Variants in EDA2R observed in about 807,000 individuals in gnomAD.
EDA2R encodes the protein ectodysplasin A2 receptor.
A neutral mutation model predicts 20.1 loss-of-function variants in EDA2R; 26 were observed. That is an observed-to-expected ratio of 1.30 (90% CI 0.95 to 1.80). The LOEUF (loss-of-function observed/expected upper bound fraction) is 1.80, where lower values mean the gene tolerates loss of function less well. Among genes scored for constraint, EDA2R ranks in the 40% most tolerant of loss-of-function variants. The probability of loss-of-function intolerance (pLI) is 0.00; values close to 1 mark genes in which losing one functional copy is unlikely to be tolerated. For synonymous variants in EDA2R, 114 were observed against 88.7 expected (o/e 1.29, Z -1.60); for missense variants, 277 against 228.7 (o/e 1.21, Z -1.36).
intron 1 of EDA2R, among the ~76,000 whole-genome samples, chrX:66,636,784 A>G (rs762659291): frequency 4.5e-5 from 5 of 111,327 alleles, no homozygotes; most frequent in Non-Finnish European, 7.5e-5. Flanking sequence ...CCATGATGTG[A>G]GTACTGTTAT....
At chrX:66,602,894 C>G in intron 4 of EDA2R, 97 bp from the exon 5 acceptor site, 1 of 806,498 alleles carries the variant, frequency 1.2e-6, no homozygotes. Flanking sequence ...ACCCTTCTCC[C>G]TAGGGCCTTC....
intron 6 of EDA2R, among the ~76,000 whole-genome samples, chrX:66,598,975 CT>C (rs1444774809): frequency 6.3e-5 from 7 of 111,804 alleles, no homozygotes; most frequent in African/African-American, 2.3e-4. Context: ...CTAATTTGCC[CT>C]GTGACTTTGA....
intron 4 of EDA2R, among the ~76,000 whole-genome samples, chrX:66,603,958 A>C (rs1305758308): frequency 8.9e-6 from 1 of 112,346 alleles, no homozygotes; most frequent in Non-Finnish European, 1.9e-5. Flanking sequence ...AAGTAAATAG[A>C]TGGTAGACAA....
In EDA2R at chrX:66,599,873, G is replaced by A. The variant is rs1438899019; in HGVS notation, c.518-13C>T. Reference sequence around the variant, plus strand: ...TGCAGCAAACCTCCTGCAACTCGAAGCAGAAAGCCACTGGGTTACCCAAAA... The same window carrying A: ...TGCAGCAAACCTCCTGCAACTCGAAACAGAAAGCCACTGGGTTACCCAAAA... On this transcript the variant is annotated splice_polypyrimidine_tract_variant and intron_variant, in intron 5 of 6. Transcript: ENST00000374719. The A allele has an allele frequency of 1.7e-6, 2 of 1,196,143 alleles. No homozygotes were observed. The highest frequency in any genetic ancestry group is 3.5e-5 in the African/African-American group (2 of 56,903).
rs1182870906 is a variant in EDA2R at position 66,596,704 on chromosome X, G to A, written c.*1400C>T. On this transcript the variant is annotated 3_prime_UTR_variant, in exon 7 of 7. Coordinates refer to ENST00000374719, the MANE Select transcript of EDA2R (RefSeq NM_021783.5). Reference sequence around the variant, plus strand: ...CTACCAGAAGGTCTAAACATGATCAGTGAAAGCCAGTGAGATAAGAATAAC... The same window carrying A: ...CTACCAGAAGGTCTAAACATGATCAATGAAAGCCAGTGAGATAAGAATAAC... 9.1e-6 allele frequency: 1 copy of A among 110,258 alleles called. No individual in the cohort carries two copies. The highest frequency in any genetic ancestry group is 1.9e-5 in the Non-Finnish European group (1 of 52,974). 9.1% of individuals were successfully genotyped at this position (110,258 alleles called of 1,213,427 possible).
At chrX:66,606,649 G>A (rs1300120044) in intron 2 of EDA2R, among the ~76,000 whole-genome samples, 1 of 112,029 alleles carries the variant, frequency 8.9e-6, no homozygotes, top group Non-Finnish European at 1.9e-5. Context: ...AAGGTCACTT[G>A]AAAATAATAG....
chrX:66,617,093 T>C (rs1020632902), intron 1 of EDA2R, among the ~76,000 whole-genome samples: 4 of 112,131 alleles, frequency 3.6e-5, no homozygotes, highest in Non-Finnish European at 7.5e-5. Context: ...CATGACTTCA[T>C]ACTAGGGTGA....
chrX:66,611,133 C>T (rs1338256313), intron 2 of EDA2R, among the ~76,000 whole-genome samples: 2 of 111,741 alleles, frequency 1.8e-5, no homozygotes, highest in Non-Finnish European at 3.8e-5. Flanking sequence ...GACCAAAAAT[C>T]ACACTACAAA....
At chrX:66,629,410 T>G (rs1933484868) in intron 1 of EDA2R, among the ~76,000 whole-genome samples, 1 of 111,416 alleles carries the variant, frequency 9.0e-6, no homozygotes, top group Admixed American at 9.6e-5. Context: ...TGTCACTATT[T>G]GCTGACCATA....
rs141584284 is a variant in EDA2R, at chrX:66,599,707, G to A, written c.671C>T (p.Ser224Leu). The A allele has an allele frequency of 2.8e-5, 34 of 1,207,957 alleles. No individual in the cohort carries two copies. The highest frequency in any genetic ancestry group is 6.6e-5 in the Admixed American group (3 of 45,627). ...CTCCTGTGTGGGGAAGCCACTAGTC[G>A]AGCTGCAGTCGTCCTCGAGGATAGG... ...LNPILEDDCS[S>L]TSGFPTQESF... The change falls in exon 6 of 7, where the codon TCG becomes TTG. Residue 224 changes from serine to leucine, a missense_variant. Physicochemically the swap from Ser to Leu is moderately radical, Grantham distance 145 (BLOSUM62 -2). Transcript: ENST00000374719.
intron 2 of EDA2R, among the ~76,000 whole-genome samples, chrX:66,610,659 T>C (rs1277223899): frequency 1.8e-5 from 2 of 112,108 alleles, no homozygotes; most frequent in Non-Finnish European, 3.8e-5. Flanking sequence ...ATTCTGAATA[T>C]TGTGACTAAA....
At chrX:66,617,851 C>T (rs1931978025) in intron 1 of EDA2R, among the ~76,000 whole-genome samples, 1 of 100,607 alleles carries the variant, frequency 9.9e-6, no homozygotes, top group African/African-American at 3.6e-5. Flanking sequence ...CCCTTCCTTC[C>T]TTCCTTCTTT....
At chrX:66,624,426 C>G (rs753928950) in intron 1 of EDA2R, among the ~76,000 whole-genome samples, 2 of 111,690 alleles carry the variant, frequency 1.8e-5, no homozygotes, top group African/African-American at 6.5e-5. Context: ...GACTGAGGTA[C>G]AAGAATTGCT....
chrX:66,625,754 G>C (rs1190055979), intron 1 of EDA2R, among the ~76,000 whole-genome samples: 1 of 112,164 alleles, frequency 8.9e-6, no homozygotes, highest in Non-Finnish European at 1.9e-5. Context: ...AACTGTCACA[G>C]AGAACATTTC....
In EDA2R at chrX:66,599,665, G is replaced by T. The variant is rs766654958; in HGVS notation, c.713C>A (p.Ser238Tyr). 18 of 1,208,419 alleles carry T rather than the reference G, an allele frequency of 1.5e-5. No individual in the cohort carries two copies. In the South Asian group the frequency reaches 3.2e-4, roughly 22 times the overall value. The change falls in exon 6 of 7, where the codon TCC becomes TAC. Residue 238 changes from serine to tyrosine, a missense_variant. Physicochemically the swap from Ser to Tyr is moderately radical, Grantham distance 144. Coordinates refer to ENST00000374719, the MANE Select transcript of EDA2R (RefSeq NM_021783.5). ...GTGGGAGTGGCTCTCTGAGGTGCAG[G>T]AGGCCATGGTAAAGGACTCCTGTGT... ...FPTQESFTMA[S>Y]CTSESHSHWV...
chrX:66,637,405 C>T (rs955489670), intron 1 of EDA2R, among the ~76,000 whole-genome samples: 1 of 111,648 alleles, frequency 9.0e-6, no homozygotes, highest in Non-Finnish European at 1.9e-5. Context: ...CCAGATTACT[C>T]TTCCTAAAGC....
At chrX:66,602,569 C>A in intron 5 of EDA2R, 64 bp downstream of exon 5, 1 of 1,091,279 alleles carries the variant, frequency 9.2e-7, no homozygotes, top group Non-Finnish European at 1.2e-6. Context: ...CCAGAACATC[C>A]CTCTCTTCTG....
chrX:66,610,787 G>A (rs940824874), intron 2 of EDA2R, among the ~76,000 whole-genome samples: 3 of 111,187 alleles, frequency 2.7e-5, no homozygotes, highest in African/African-American at 9.8e-5. Context: ...CAAAATTGAG[G>A]CACAAATTGT....
At chrX:66,614,768 A>G (rs190872771) in intron 2 of EDA2R, among the ~76,000 whole-genome samples, 3 of 111,997 alleles carry the variant, frequency 2.7e-5, no homozygotes, top group African/African-American at 9.7e-5. Context: ...GATTCCTATA[A>G]CTTTCCAACC....
Sources: allele counts gnomAD v4.1 joint callset (sites outside exome capture counted in the v4.1 genomes callset), GRCh38; gene constraint gnomAD v4.1.1; transcripts MANE v1.5; gene names NCBI Gene and HGNC (gene_info 2026-07-23, HGNC 2026-07-21).